Variants in ZNF827 observed in about 807,000 individuals in gnomAD.
The protein encoded by ZNF827 is zinc finger protein 827.
ZNF827 carries 13 observed loss-of-function variants against 102.4 expected under a neutral mutation model. The ratio of observed to expected loss-of-function variants is 0.13; its 90% CI spans 0.08 to 0.20. The LOEUF is 0.20. ZNF827 is among the 10% of genes least tolerant of loss of function. The pLI, the probability that ZNF827 is intolerant of heterozygous loss-of-function variation, is 1.00. For synonymous variants in ZNF827, 523 were observed against 536.2 expected, an observed-to-expected ratio of 0.98 and a Z score of 0.34; for missense variants, 1,103 against 1,344.4, an observed-to-expected ratio of 0.82 and a Z score of 2.81.
At chr4:145,884,218 AT>A (rs1340750677) in intron 4 of ZNF827, among the ~76,000 whole-genome samples, 1 of 151,750 alleles carries the variant, frequency 6.6e-6, no homozygotes, top group Non-Finnish European at 1.5e-5. Context: ...GGGACATCTC[AT>A]TTTCCATCCC....
Position 145,866,692 on chromosome 4 carries a change from C to T in ZNF827, c.1981+3553G>A, listed in dbSNP as rs1187042319. On this transcript the variant is annotated intron_variant, in intron 5 of 14. Transcript: ENST00000508784. The stretch of plus-strand genomic sequence containing the variant: ...CTATGTACTTTTTGTGTGTGGAATT[C>T]ATATTTTTAAATGGCATTCTTATCT... Among the ~76,000 whole-genome samples the T allele has an allele frequency of 3.3e-5, 5 of 152,290 alleles. No individual in the cohort carries two copies. In the East Asian group the frequency reaches 9.6e-4, roughly 29 times the overall value.
chr4:145,904,394 A>G (rs1751663289), intron 1 of ZNF827, among the ~76,000 whole-genome samples: 1 of 152,262 alleles, frequency 6.6e-6, no homozygotes, highest in Non-Finnish European at 1.5e-5. Flanking sequence ...TGATAAGTCC[A>G]TGGAAAACCA....
At chr4:145,823,779 C>T (rs1743395796) in intron 7 of ZNF827, among the ~76,000 whole-genome samples, 1 of 152,204 alleles carries the variant, frequency 6.6e-6, no homozygotes, top group Admixed American at 6.5e-5. Context: ...CTTTGAAACA[C>T]TGTTAAACCC....
chr4:145,843,047 G>A (rs1745576245), intron 7 of ZNF827, among the ~76,000 whole-genome samples: 1 of 151,988 alleles, frequency 6.6e-6, no homozygotes, highest in East Asian at 1.9e-4. Context: ...ACAGGAGTCA[G>A]GAAAGAAGAA....
intron 8 of ZNF827, among the ~76,000 whole-genome samples, chr4:145,797,038 T>C (rs528305544): frequency 6.6e-6 from 1 of 152,286 alleles, no homozygotes; most frequent in South Asian, 2.1e-4. Context: ...GTGTACTGGA[T>C]GCATGTAATG....
chr4:145,764,315 G>A (rs1734954889), intron 13 of ZNF827, among the ~76,000 whole-genome samples: 1 of 152,182 alleles, frequency 6.6e-6, no homozygotes, highest in South Asian at 2.1e-4. Context: ...GGTGGAAATG[G>A]TGTTTTATTC....
rs201105472 is a variant in ZNF827, at chr4:145,872,945, CTTTTTTT to C, written c.1748-2474_1748-2468del. On this transcript the variant is annotated intron_variant, in intron 4 of 14. Transcript: ENST00000508784. ...GAAGGCAACAATTTTTTTTTCTTTT[CTTTTTTT>C]TTTTTTTTTGAGATGCTTTGTCACC... Among the ~76,000 whole-genome samples the C allele has an allele frequency of 7.4e-3, 963 of 130,590 alleles. 18 individuals carry two copies. Among genetic ancestry groups the C allele is most frequent in the African/African-American group, 0.026 (933 of 35,978 alleles). The allele number at this position is 130,590 out of a possible 152,430, so 85.7% of individuals were successfully genotyped here. A position where few individuals can be genotyped will look rare whatever the true frequency, so the allele number is the denominator to read the frequency against.
rs1241643121 is a variant in ZNF827, at chr4:145,760,434, C to G, written c.*1182G>C. ...AGTGCTGATTGCTATTAAGGACACT[C>G]TCTTTAGGGTTTAACAAGACAAGAT... On this transcript the variant is annotated 3_prime_UTR_variant, in exon 15 of 15. Transcript: ENST00000508784. 2 of 153,944 alleles carry G rather than the reference C, an allele frequency of 1.3e-5. No homozygotes were observed. Among genetic ancestry groups the G allele is most frequent in the South Asian group, 2.0e-4 (1 of 4,888 alleles). 9.5% of individuals were successfully genotyped at this position (153,944 alleles called of 1,614,324 possible). A position where few individuals can be genotyped will look rare whatever the true frequency, so the allele number is the denominator to read the frequency against.
rs745904267 is a variant in ZNF827 at position 145,902,419 on chromosome 4, G to T, written c.840C>A (p.Ser280=). 3.1e-6 allele frequency: 5 copies of T among 1,614,064 alleles called. No individual in the cohort carries two copies. The Admixed American group carries it at 8.3e-5, about 27-fold the overall frequency. The change falls in exon 2 of 15, where the codon TCC becomes TCA. Residue 280 remains serine, a synonymous_variant. Transcript: ENST00000508784. This position sits in a 1 kb window ranked among gnomAD's most constrained non-coding sequence, Gnocchi z 4.3. ...EHPPPASSFL[S]LASMTSSAAL... ...CCGCTGAGGAGGTCATAGAAGCCAGGGAAAGGAAGGAGCTGGCCGGTGGAG... is the reference window on the plus strand; with the variant it reads ...CCGCTGAGGAGGTCATAGAAGCCAGTGAAAGGAAGGAGCTGGCCGGTGGAG...
At position 145,849,529 on chromosome 4, in the gene ZNF827, T is replaced by C; in HGVS notation, c.2014A>G (p.Ile672Val). 6.2e-7 allele frequency: 1 copy of C among 1,614,208 alleles called. No homozygotes were observed. The highest frequency in any genetic ancestry group is 8.5e-7 in the Non-Finnish European group (1 of 1,180,028). The part of the protein sequence containing the change: ...ESYKETQMVK[I>V]KEEPMEVDIQ... ...TCAACCTCCATGGGTTCCTCTTTAA[T>C]CTTCACCATCTGTGTTTCCTTGTAG... Residue 672 changes from isoleucine to valine, a missense_variant, in exon 6 of 15, where the codon ATT (isoleucine) becomes GTT (valine). Transcript: ENST00000508784.
Position 145,824,667 on chromosome 4 carries a change from G to T in ZNF827, c.2280-1142C>A, listed in dbSNP as rs534979659. ...CCCCCTACCTCTCACCAGTGCCTCT[G>T]ATTGGCTGAACCTTCTGGAAGGCAG... On this transcript the variant is annotated intron_variant, in intron 7 of 14. Transcript: ENST00000508784. Among the ~76,000 whole-genome samples the T allele has an allele frequency of 2.6e-5, 4 of 152,224 alleles. No homozygotes were observed. In the South Asian group the frequency reaches 8.3e-4, roughly 32 times the overall value.
intron 8 of ZNF827, among the ~76,000 whole-genome samples, chr4:145,802,472 T>A (rs1271774882): frequency 6.6e-6 from 1 of 152,124 alleles, no homozygotes; most frequent in Non-Finnish European, 1.5e-5. Flanking sequence ...GCCTGTTCAG[T>A]CAAAACCAAA....
chr4:145,902,232 G>A lies in ZNF827; in HGVS notation c.1027C>T (p.Pro343Ser), dbSNP rs149473299. 5 of 1,605,976 alleles carry A rather than the reference G, an allele frequency of 3.1e-6. No individual in the cohort carries two copies. Among genetic ancestry groups the A allele is most frequent in the Non-Finnish European group, 4.2e-6 (5 of 1,176,798 alleles). The change falls in exon 2 of 15, where the codon CCA becomes TCA. Residue 343 changes from proline to serine, a missense_variant. Physicochemically the swap from Pro to Ser is moderately conservative, Grantham distance 74 (BLOSUM62 -1). This residue lies in a region of ZNF827 where 441 missense variants were observed against 458.6 expected (regional missense o/e 0.96). Coordinates refer to ENST00000508784, the MANE Select transcript of ZNF827 (RefSeq NM_001306215.2). The surrounding 1 kb of genome is among the most constrained non-coding windows in gnomAD (Gnocchi z 4.3). ...AGTAATAATAATTCCAGGGATTGTG[G>A]TGGTGGTGGTGGAGGTGGTGGAGGT... ...PPPPPPPPPP[P>S]QSLELLLLPV...
chr4:145,758,764 C>G lies in ZNF827; in HGVS notation c.*2852G>C, dbSNP rs1471392426. The G allele has an allele frequency of 6.6e-6, 1 of 152,204 alleles. No individual in the cohort carries two copies. Among genetic ancestry groups the G allele is most frequent in the Non-Finnish European group, 1.5e-5 (1 of 68,042 alleles). 9.4% of individuals were successfully genotyped at this position (152,204 alleles called of 1,614,324 possible). A position where few individuals can be genotyped will look rare whatever the true frequency, so the allele number is the denominator to read the frequency against. On this transcript the variant is annotated 3_prime_UTR_variant, in exon 15 of 15. Transcript: ENST00000508784. Reference sequence around the variant, plus strand: ...AGAATGACTGAGGGTTTGGGAGCTTCCCGCTCCCTGTGGGCATCTCCTTAG... The same window carrying G: ...AGAATGACTGAGGGTTTGGGAGCTTGCCGCTCCCTGTGGGCATCTCCTTAG...
At chr4:145,907,192 C>A (rs1385405722) in intron 1 of ZNF827, 1 of 456,500 alleles carries the variant, frequency 2.2e-6, no homozygotes. Flanking sequence ...CAAGGATTTT[C>A]TCCCACTTTT....
intron 7 of ZNF827, among the ~76,000 whole-genome samples, chr4:145,825,040 G>A (rs1427970462): frequency 6.6e-6 from 1 of 152,218 alleles, no homozygotes; most frequent in African/African-American, 2.4e-5. Flanking sequence ...AGGCTAGTAG[G>A]AGGCAGGAAT....
intron 1 of ZNF827, among the ~76,000 whole-genome samples, chr4:145,932,404 C>T (rs973275139): frequency 6.6e-6 from 1 of 152,144 alleles, no homozygotes; most frequent in East Asian, 1.9e-4. Flanking sequence ...TTTACCAACC[C>T]AGCCAGGCAC....
At chr4:145,785,894 C>G (rs1277277337) in intron 8 of ZNF827, among the ~76,000 whole-genome samples, 1 of 152,232 alleles carries the variant, frequency 6.6e-6, no homozygotes, top group African/African-American at 2.4e-5. Context: ...AATCCAGACA[C>G]TAGCACTTTT....
intron 7 of ZNF827, among the ~76,000 whole-genome samples, chr4:145,825,065 G>A (rs2126504217): frequency 6.6e-6 from 1 of 152,324 alleles, no homozygotes; most frequent in East Asian, 1.9e-4. Context: ...GAGAAGCGAA[G>A]GGGCAGATAT....
Sources: gnomAD v4.1 joint callset for allele counts (sites outside exome capture counted in the v4.1 genomes callset) on GRCh38, gnomAD v4.1.1 for gene constraint, gnomAD v4.1.1 regional missense constraint, Gnocchi (gnomAD v3.1) non-coding constraint, MANE v1.5 for transcripts, NCBI Gene and HGNC (gene_info 2026-07-23, HGNC 2026-07-21) for gene names.